MBNL1: variants seen among roughly 807,000 people sequenced by gnomAD.
MBNL1 encodes muscleblind-like protein 1.
In MBNL1, 8 loss-of-function variants were observed where a neutral mutation model predicts 42.2. That is an observed-to-expected ratio of 0.19 (90% CI 0.11 to 0.34). The LOEUF (loss-of-function observed/expected upper bound fraction) is 0.34, where lower values mean the gene tolerates loss of function less well. MBNL1 is among the 10% of genes least tolerant of loss of function. The pLI is 1.00. For missense variants in MBNL1, 309 were observed against 495.3 expected, an observed-to-expected ratio of 0.62 and a Z score of 3.57; for synonymous variants, 169 against 173.9, an observed-to-expected ratio of 0.97 and a Z score of 0.22.
chr3:152,335,313 C>A, intron 2 of MBNL1: 2 of 1,239,310 alleles, frequency 1.6e-6, no homozygotes, highest in Non-Finnish European at 2.1e-6. Flanking sequence ...GAGATGACAT[C>A]CATGGGAAAT....
chr3:152,335,074 G>A, intron 2 of MBNL1: 1 of 1,254,240 alleles, frequency 8.0e-7, no homozygotes, highest in Non-Finnish European at 1.0e-6. Flanking sequence ...AAGGAAAAGT[G>A]GCTGACCTGG....
intron 2 of MBNL1, among the ~76,000 whole-genome samples, chr3:152,255,747 G>A (rs1302914277): frequency 6.6e-6 from 1 of 152,088 alleles, no homozygotes; most frequent in Non-Finnish European, 1.5e-5. Context: ...AGAGAAGATG[G>A]GAAAATCATC....
At chr3:152,402,227 G>A (rs1277409807) in intron 2 of MBNL1, among the ~76,000 whole-genome samples, 14 of 152,054 alleles carry the variant, frequency 9.2e-5, no homozygotes, top group Admixed American at 8.5e-4. Flanking sequence ...GAACGTGCTA[G>A]GAGAGTGAGA....
Position 152,282,002 on chromosome 3 carries a change from A to G in MBNL1, c.-790+12910A>G, listed in dbSNP as rs73026357. ...CATATCCCTATGTGTCTATATATATATTCCATAAATGATTGTGAAGTGGTA... is the reference window on the plus strand; with the variant it reads ...CATATCCCTATGTGTCTATATATATGTTCCATAAATGATTGTGAAGTGGTA... On this transcript the variant is annotated intron_variant, in intron 1 of 9. Transcript: ENST00000324210. Among the ~76,000 whole-genome samples, 624 of 152,254 alleles carry G rather than the reference A, an allele frequency of 4.1e-3. 2 individuals are homozygous for G. Among genetic ancestry groups the G allele is most frequent in the African/African-American group, 0.015 (608 of 41,556 alleles).
At chr3:152,378,142 G>C (rs2096996332) in intron 2 of MBNL1, among the ~76,000 whole-genome samples, 2 of 152,176 alleles carry the variant, frequency 1.3e-5, no homozygotes, top group African/African-American at 4.8e-5. Context: ...ATCGAGACCA[G>C]CCTGGGCAAC....
At chr3:152,269,950 G>C (rs562264622) in intron 1 of MBNL1, among the ~76,000 whole-genome samples, 3 of 137,130 alleles carry the variant, frequency 2.2e-5, no homozygotes, top group African/African-American at 8.5e-5. Flanking sequence ...GCCGGAATCT[G>C]TTATTGGTAG....
Position 152,388,244 on chromosome 3 carries a change from C to T in MBNL1, c.175-26697C>T, listed in dbSNP as rs1344535935. On this transcript the variant is annotated intron_variant, in intron 2 of 9. Transcript: ENST00000324210. ...GAGAAGGCATCTAGTTGGCTACCCT[C>T]TTCAAGATATCTTTGTTGACTGTTC... Among the ~76,000 whole-genome samples, 3 of 152,160 alleles carry T rather than the reference C, an allele frequency of 2.0e-5. No homozygotes were observed. In the East Asian group the frequency reaches 5.8e-4, roughly 29 times the overall value.
At chr3:152,448,406 A>G (rs1714851802) in intron 6 of MBNL1, among the ~76,000 whole-genome samples, 1 of 152,162 alleles carries the variant, frequency 6.6e-6, no homozygotes, top group Non-Finnish European at 1.5e-5. Context: ...ATAATCTAGA[A>G]TTATTCACAC....
chr3:152,316,137 A>T (rs16864169), intron 2 of MBNL1, among the ~76,000 whole-genome samples: 1 of 152,164 alleles, frequency 6.6e-6, no homozygotes, highest in African/African-American at 2.4e-5. Flanking sequence ...AGGGCTTTTG[A>T]TCTGTAACCT....
At chr3:152,361,878 T>A (rs2095987907) in intron 2 of MBNL1, among the ~76,000 whole-genome samples, 2 of 152,216 alleles carry the variant, frequency 1.3e-5, no homozygotes, top group African/African-American at 2.4e-5. Context: ...CCAATTTATC[T>A]TACCTAAGAA....
chr3:152,333,282 A>G (rs1364220436), intron 2 of MBNL1, among the ~76,000 whole-genome samples: 2 of 152,224 alleles, frequency 1.3e-5, no homozygotes, highest in Non-Finnish European at 2.9e-5. Context: ...TTGATTTGAA[A>G]AATCTGAGAA....
intron 1 of MBNL1, among the ~76,000 whole-genome samples, chr3:152,271,594 A>AT (rs1331408515): frequency 6.6e-6 from 1 of 152,138 alleles, no homozygotes; most frequent in Admixed American, 6.5e-5. Flanking sequence ...GCTGAAAAGA[A>AT]TAGGTGATTG....
chr3:152,294,821 CTTAG>C (rs143965102), intron 1 of MBNL1, among the ~76,000 whole-genome samples: 53 of 152,250 alleles, frequency 3.5e-4, no homozygotes, highest in African/African-American at 1.2e-3. Flanking sequence ...AACCCCATTA[CTTAG>C]TTAATGTTTT....
chr3:152,408,085 T>C (rs911490215), intron 2 of MBNL1, among the ~76,000 whole-genome samples: 2 of 152,104 alleles, frequency 1.3e-5, no homozygotes, highest in Admixed American at 6.6e-5. Flanking sequence ...AACCATTCAC[T>C]GTGGCACATG....
chr3:152,353,481 G>A (rs2095260736), intron 2 of MBNL1, among the ~76,000 whole-genome samples: 1 of 152,054 alleles, frequency 6.6e-6, no homozygotes, highest in Non-Finnish European at 1.5e-5. Flanking sequence ...TAGGTGATTT[G>A]TCTCCTTTTT....
chr3:152,355,246 G>A (rs925648798), intron 2 of MBNL1, among the ~76,000 whole-genome samples: 10 of 152,112 alleles, frequency 6.6e-5, no homozygotes, highest in African/African-American at 9.7e-5. Flanking sequence ...ATACTGTCTC[G>A]GTCAACTTGG....
At chr3:152,248,944 A>G (rs938944169) in intron 2 of MBNL1, among the ~76,000 whole-genome samples, 3 of 151,988 alleles carry the variant, frequency 2.0e-5, no homozygotes, top group African/African-American at 7.3e-5. Context: ...AAAGGACATG[A>G]ACTCATCATT....
chr3:152,430,734 T>G (rs190001651), intron 3 of MBNL1, among the ~76,000 whole-genome samples: 2 of 152,276 alleles, frequency 1.3e-5, no homozygotes, highest in East Asian at 3.9e-4. Flanking sequence ...AGGGAAGTGT[T>G]GGTGGACAGA....
chr3:152,292,672 A>G (rs2056623887), intron 1 of MBNL1, among the ~76,000 whole-genome samples: 2 of 152,138 alleles, frequency 1.3e-5, no homozygotes, highest in East Asian at 1.9e-4. Context: ...AGTCATTTAC[A>G]TATCTCCTTC....
Sources: gnomAD v4.1 joint callset for allele counts (sites outside exome capture counted in the v4.1 genomes callset) on GRCh38, gnomAD v4.1.1 for gene constraint, MANE v1.5 for transcripts, NCBI Gene and HGNC (gene_info 2026-07-23, HGNC 2026-07-21) for gene names.